Variants in RAB3GAP1 observed in about 807,000 individuals in gnomAD.
RAB3GAP1 encodes the protein rab3 GTPase-activating protein catalytic subunit.
RAB3GAP1 carries 86 observed loss-of-function variants against 130.7 expected under a neutral mutation model. The observed-to-expected ratio is 0.66, with a 90% CI of 0.55 to 0.79. RAB3GAP1 has a LOEUF of 0.79. Ranked by LOEUF, RAB3GAP1 falls within the 30% of genes least tolerant of loss-of-function variation. The pLI, the probability that RAB3GAP1 is intolerant of heterozygous loss-of-function variation, is 0.00. For synonymous variants in RAB3GAP1, 367 were observed against 401.7 expected (o/e 0.91, Z 1.03); for missense variants, 1,029 against 1,169.4 (o/e 0.88, Z 1.75).
intron 3 of RAB3GAP1, among the ~76,000 whole-genome samples, chr2:135,074,823 A>G (rs950647182): frequency 2.6e-5 from 4 of 152,244 alleles, no homozygotes; most frequent in African/African-American, 9.6e-5. Flanking sequence ...CGATACTGGC[A>G]GCACAGCAGA....
At chr2:135,157,425 C>T (rs1692340841) in intron 19 of RAB3GAP1, among the ~76,000 whole-genome samples, 1 of 152,158 alleles carries the variant, frequency 6.6e-6, no homozygotes, top group Non-Finnish European at 1.5e-5. Context: ...AGTAACATAA[C>T]CACACCGACG....
At chr2:135,091,947 A>AT (rs1286350635) in intron 4 of RAB3GAP1, among the ~76,000 whole-genome samples, 1 of 152,170 alleles carries the variant, frequency 6.6e-6, no homozygotes, top group African/African-American at 2.4e-5. Context: ...AATGTGTTAA[A>AT]TTTTTTCTGA....
chr2:135,134,614 A>G (rs1162166468), intron 15 of RAB3GAP1, among the ~76,000 whole-genome samples: 2 of 152,206 alleles, frequency 1.3e-5, no homozygotes, highest in Non-Finnish European at 2.9e-5. Context: ...CCATGCTATG[A>G]TAGGAGAATC....
chr2:135,061,770 A>T (rs1039090537), intron 3 of RAB3GAP1, among the ~76,000 whole-genome samples: 1 of 152,072 alleles, frequency 6.6e-6, no homozygotes, highest in African/African-American at 2.4e-5. Flanking sequence ...TAGAGGGTTT[A>T]CCAATTTATC....
At position 135,133,928 on chromosome 2, in the gene RAB3GAP1, G is replaced by T; in HGVS notation, c.1394G>T (p.Cys465Phe). ...SLTYKLALCL[C>F]MINFYHGGLK... is the part of the protein sequence containing the mutation. ...ACATACAAACTGGCTTTGTGTCTCT[G>T]TATGATCAATTTTTACCATGGAGGG... Residue 465 changes from cysteine to phenylalanine, a missense_variant, in exon 15 of 24, where the codon TGT becomes TTT. This residue lies in a region of RAB3GAP1 where 373 missense variants were observed against 493.6 expected (regional missense o/e 0.76). Coordinates refer to ENST00000264158, the MANE Select transcript of RAB3GAP1 (RefSeq NM_012233.3). 6.2e-7 allele frequency: 1 copy of T among 1,613,880 alleles called. No individual in the cohort carries two copies.
intron 6 of RAB3GAP1, 55 bp downstream of exon 6, chr2:135,113,325 A>T (rs758015756): frequency 1.5e-5 from 24 of 1,587,242 alleles, no homozygotes; most frequent in Non-Finnish European, 2.1e-5. Context: ...ACAATAATTT[A>T]TGAAGGCAAA....
intron 3 of RAB3GAP1, among the ~76,000 whole-genome samples, chr2:135,083,763 C>T (rs1384687509): frequency 9.3e-5 from 12 of 129,318 alleles, no homozygotes; most frequent in Admixed American, 1.7e-4. Flanking sequence ...CTGTACCCAA[C>T]ACGGTTTTTT....
chr2:135,066,067 C>T (rs1289361777), intron 3 of RAB3GAP1, among the ~76,000 whole-genome samples: 2 of 151,866 alleles, frequency 1.3e-5, no homozygotes, highest in African/African-American at 2.4e-5. Flanking sequence ...GCTACTGCAC[C>T]CCGCCAGTAA....
intron 17 of RAB3GAP1, among the ~76,000 whole-genome samples, chr2:135,138,281 C>CACA (rs1691735261): frequency 1.9e-5 from 2 of 107,506 alleles, no homozygotes; most frequent in South Asian, 5.9e-4. Flanking sequence ...CTATTTCTAC[C>CACA]AAAAAAAAAA....
intron 4 of RAB3GAP1, 131 bp downstream of exon 4, chr2:135,091,261 C>A: frequency 1.3e-6 from 1 of 791,112 alleles, no homozygotes; most frequent in Non-Finnish European, 2.0e-6. Context: ...AGTTGTTTCA[C>A]CACATCTGAG....
At chr2:135,173,916 T>G (rs1692934817), downstream of RAB3GAP1, among the ~76,000 whole-genome samples, 1 of 152,184 alleles carries the variant, frequency 6.6e-6, no homozygotes, top group South Asian at 2.1e-4. Flanking sequence ...CCCACTCTTG[T>G]GTTTAAATCT....
At chr2:135,095,069 A>G (rs1264370848) in intron 5 of RAB3GAP1, among the ~76,000 whole-genome samples, 1 of 151,934 alleles carries the variant, frequency 6.6e-6, no homozygotes, top group African/African-American at 2.4e-5. Flanking sequence ...TTTTTTGTGA[A>G]ACAGAGTCTC....
chr2:135,117,765 GCTGCTTCTT>G (rs1156499126), intron 7 of RAB3GAP1, among the ~76,000 whole-genome samples: 519 of 30,344 alleles, frequency 0.017, 3 homozygotes, highest in African/African-American at 0.047. Context: ...TGCTTCTTCT[GCTGCTTCTT>G]CTGCTTCTTC....
intron 5 of RAB3GAP1, among the ~76,000 whole-genome samples, chr2:135,103,147 C>T (rs1180572272): frequency 2.1e-5 from 3 of 145,412 alleles, no homozygotes; most frequent in South Asian, 2.3e-4. Context: ...AGCAGTTCTC[C>T]TGCCTCAGCC....
At chr2:135,105,443 G>A (rs543613530) in intron 5 of RAB3GAP1, among the ~76,000 whole-genome samples, 3 of 152,112 alleles carry the variant, frequency 2.0e-5, no homozygotes, top group South Asian at 2.1e-4. Context: ...TCTGTTGGCC[G>A]GGCTGGTCTC....
Position 135,164,663 on chromosome 2 carries a change from G to C in RAB3GAP1, c.2676G>C (p.Arg892Ser). Residue 892 changes from arginine (R) to serine (S), a missense_variant, in exon 23 of 24, where the codon AGG becomes AGC. Arg to Ser is a moderately radical substitution (Grantham distance 110). Transcript: ENST00000264158. ...VTGAGRGHAGRIIHKLFVNAQ... is the reference protein window; with the variant it reads ...VTGAGRGHAGSIIHKLFVNAQ... ...GTGCAGGAAGAGGACATGCTGGCAGGATCATTCACAAGCTGTTTGTGAATG... is the reference window on the plus strand; with the variant it reads ...GTGCAGGAAGAGGACATGCTGGCAGCATCATTCACAAGCTGTTTGTGAATG... The C allele has an allele frequency of 6.2e-7, 1 of 1,612,972 alleles. No homozygotes were observed. The highest frequency in any genetic ancestry group is 8.5e-7 in the Non-Finnish European group (1 of 1,179,234).
At chr2:135,105,323 A>G (rs1384137191) in intron 5 of RAB3GAP1, among the ~76,000 whole-genome samples, 3 of 146,470 alleles carry the variant, frequency 2.0e-5, no homozygotes, top group Non-Finnish European at 3.0e-5. Flanking sequence ...GCTCACTGCA[A>G]CCTCCCTGCC....
intron 3 of RAB3GAP1, among the ~76,000 whole-genome samples, chr2:135,090,294 TAGTAACTCACA>T (rs1690107606): frequency 6.6e-6 from 1 of 152,196 alleles, no homozygotes; most frequent in Non-Finnish European, 1.5e-5. Context: ...ATTTTAAAAA[TAGTAACTCACA>T]GATTAATTGC....
intron 19 of RAB3GAP1, among the ~76,000 whole-genome samples, chr2:135,157,942 G>A (rs1275134012): frequency 2.0e-5 from 3 of 151,994 alleles, no homozygotes; most frequent in South Asian, 2.1e-4. Flanking sequence ...TGTATTATTG[G>A]TTGGGTGAAG....
Sources: allele counts gnomAD v4.1 joint callset (sites outside exome capture counted in the v4.1 genomes callset), GRCh38; gene constraint gnomAD v4.1.1; regional missense constraint gnomAD v4.1.1; transcripts MANE v1.5; gene names NCBI Gene and HGNC (gene_info 2026-07-23, HGNC 2026-07-21).